Variants in LMNTD1 observed in about 807,000 individuals in gnomAD.
LMNTD1 encodes the protein lamin tail domain-containing protein 1.
A neutral mutation model predicts 50.9 loss-of-function variants in LMNTD1; 35 were observed. The observed-to-expected ratio is 0.69, with a 90% confidence interval of 0.53 to 0.91. The LOEUF (loss-of-function observed/expected upper bound fraction) is 0.91, where lower values mean the gene tolerates loss of function less well. LMNTD1 is among the 40% of genes least tolerant of loss of function. LMNTD1 has a pLI of 0.00. For synonymous variants in LMNTD1, 153 were observed against 161.9 expected (o/e 0.94, Z 0.42); for missense variants, 470 against 475.5 (o/e 0.99, Z 0.11).
intron 1 of LMNTD1, among the ~76,000 whole-genome samples, chr12:25,593,899 A>G (rs1195575008): frequency 6.6e-6 from 1 of 152,160 alleles, no homozygotes; most frequent in Non-Finnish European, 1.5e-5. Context: ...GAAACAATGG[A>G]CACACTTATA....
At chr12:25,573,038 T>C (rs1944859181) in intron 1 of LMNTD1, among the ~76,000 whole-genome samples, 1 of 151,960 alleles carries the variant, frequency 6.6e-6, no homozygotes, top group Admixed American at 6.6e-5. Flanking sequence ...CTGTTTGCAC[T>C]TTCTCCTCTG....
intron 1 of LMNTD1, among the ~76,000 whole-genome samples, chr12:25,580,985 T>C (rs1945257468): frequency 6.6e-6 from 1 of 152,180 alleles, no homozygotes; most frequent in South Asian, 2.1e-4. Context: ...TAATCCCCCA[T>C]GAACAGTAAG....
chr12:25,610,388 T>G (rs950927859), intron 1 of LMNTD1, among the ~76,000 whole-genome samples: 15 of 152,102 alleles, frequency 9.9e-5, no homozygotes, highest in Admixed American at 9.2e-4. Flanking sequence ...GGTACCTCAG[T>G]TGGAAATGGA....
chr12:25,643,676 C>A lies in LMNTD1; in HGVS notation c.58+4818G>T, dbSNP rs148071821. On this transcript the variant is annotated intron_variant, in intron 1 of 7. Transcript: ENST00000445693. ...ATCGAGTGTCACTTGGATGACCAGT[C>A]ACCCTGAAGACCATGGCCCCCTGGG... 4.1e-3 allele frequency among the ~76,000 whole-genome samples: 626 copies of A among 152,268 alleles called. 1 individual carries two copies. Among genetic ancestry groups the A allele is most frequent in the African/African-American group, 0.014 (582 of 41,542 alleles).
At chr12:25,552,251 A>AT (rs1224134614) in intron 2 of LMNTD1, among the ~76,000 whole-genome samples, 31 of 152,072 alleles carry the variant, frequency 2.0e-4, no homozygotes, top group Non-Finnish European at 3.7e-4. Flanking sequence ...TATTCTGGTA[A>AT]TTTTTTTGTC....
chr12:25,546,089 A>T (rs1414528039), intron 4 of LMNTD1, among the ~76,000 whole-genome samples: 1 of 151,648 alleles, frequency 6.6e-6, no homozygotes, highest in African/African-American at 2.4e-5. Context: ...TAATTCAACA[A>T]CGATAAAAAA....
At chr12:25,484,746 T>G (rs1032446093) in intron 9 of LMNTD1, among the ~76,000 whole-genome samples, 14 of 144,548 alleles carry the variant, frequency 9.7e-5, no homozygotes, top group African/African-American at 3.3e-4. Context: ...TGAGTGAGAA[T>G]ATGCGGTGTT....
chr12:25,575,959 C>T (rs145825164), intron 1 of LMNTD1, among the ~76,000 whole-genome samples: 4 of 152,218 alleles, frequency 2.6e-5, no homozygotes, highest in African/African-American at 4.8e-5. Flanking sequence ...TCTGTCCTTG[C>T]GATACTTTGC....
At chr12:25,496,757 C>G (rs1193604821) in intron 9 of LMNTD1, among the ~76,000 whole-genome samples, 2 of 152,158 alleles carry the variant, frequency 1.3e-5, no homozygotes, top group Admixed American at 1.3e-4. Flanking sequence ...GTGTACAATT[C>G]AGTGGCATTA....
chr12:25,615,588 A>G (rs1946337881), intron 1 of LMNTD1, among the ~76,000 whole-genome samples: 1 of 151,808 alleles, frequency 6.6e-6, no homozygotes, highest in African/African-American at 2.4e-5. Flanking sequence ...CAGCTTCCTC[A>G]GTAGCTGAGA....
At chr12:25,604,642 T>C (rs1565514555) in intron 1 of LMNTD1, among the ~76,000 whole-genome samples, 1 of 152,158 alleles carries the variant, frequency 6.6e-6, no homozygotes, top group Non-Finnish European at 1.5e-5. Context: ...AATGATGGTT[T>C]CCAGCTTCAT....
At chr12:25,481,865 T>TCTCA (rs1555206617) in intron 9 of LMNTD1, among the ~76,000 whole-genome samples, 3 of 132,612 alleles carry the variant, frequency 2.3e-5, no homozygotes, top group Non-Finnish European at 4.7e-5. Flanking sequence ...TATTGCCTCT[T>TCTCA]CACACACACA....
chr12:25,609,968 G>A (rs1233029674), intron 1 of LMNTD1, among the ~76,000 whole-genome samples: 1 of 152,182 alleles, frequency 6.6e-6, no homozygotes, highest in Non-Finnish European at 1.5e-5. Flanking sequence ...TACAAAGGCA[G>A]GTGGGCCTAG....
chr12:25,532,511 G>T (rs895479467), intron 4 of LMNTD1, among the ~76,000 whole-genome samples: 1 of 152,106 alleles, frequency 6.6e-6, no homozygotes, highest in African/African-American at 2.4e-5. Context: ...AAAATTGGCA[G>T]CTGTTTTGAG....
At chr12:25,610,065 C>T (rs1246711407) in intron 1 of LMNTD1, among the ~76,000 whole-genome samples, 2 of 152,206 alleles carry the variant, frequency 1.3e-5, no homozygotes, top group African/African-American at 4.8e-5. Flanking sequence ...ACGCCCCTTC[C>T]CCAGCCAGGC....
At chr12:25,529,991 A>T (rs552579571) in intron 4 of LMNTD1, among the ~76,000 whole-genome samples, 1 of 152,190 alleles carries the variant, frequency 6.6e-6, no homozygotes, top group African/African-American at 2.4e-5. Flanking sequence ...CTTGTTTCCC[A>T]TGTCCTTATA....
chr12:25,587,984 T>A (rs554405552), intron 1 of LMNTD1, among the ~76,000 whole-genome samples: 1 of 152,194 alleles, frequency 6.6e-6, no homozygotes, highest in African/African-American at 2.4e-5. Flanking sequence ...GGCAGCAAAT[T>A]TGTTTAGTTA....
intron 4 of LMNTD1, among the ~76,000 whole-genome samples, chr12:25,527,679 T>C (rs368750770): frequency 0.14 from 2,592 of 17,990 alleles, 42 homozygotes; most frequent in Admixed American, 0.21. Context: ...TATATATATA[T>C]ATACACACAC....
At position 25,489,487 on chromosome 12, in the gene LMNTD1, C is replaced by G. The variant is rs1310239480; in HGVS notation, c.*23-13027G>C. On this transcript the variant is annotated intron_variant, in intron 9 of 9. Coordinates refer to ENST00000458174, the MANE Select transcript of LMNTD1 (RefSeq NM_001145728.2). ...GGCAATGCCTCGCCCTGCTTTGGCT[C>G]GCGCACGGTGCGCGCACCCGCTGAC... Among the ~76,000 whole-genome samples, 2 of 143,210 alleles carry G rather than the reference C, an allele frequency of 1.4e-5. 1 individual carries two copies. 94.0% of individuals were successfully genotyped at this position (143,210 alleles called of 152,430 possible). A position where few individuals can be genotyped will look rare whatever the true frequency, so the allele number is the denominator to read the frequency against.
Sources: allele counts gnomAD v4.1 joint callset (sites outside exome capture counted in the v4.1 genomes callset), GRCh38; gene constraint gnomAD v4.1.1; transcripts MANE v1.5; gene names NCBI Gene and HGNC (gene_info 2026-07-23, HGNC 2026-07-21).